Variants in AGBL1 observed in about 807,000 individuals in gnomAD.
The protein encoded by AGBL1 is cytosolic carboxypeptidase 4.
AGBL1 carries 130 observed loss-of-function variants against 118.9 expected under a neutral mutation model. The ratio of observed to expected loss-of-function variants is 1.09; its 90% CI spans 0.95 to 1.26. The LOEUF (loss-of-function observed/expected upper bound fraction) is 1.26. AGBL1 is among the 50% of genes most tolerant of loss of function. The pLI is 0.00. For synonymous variants in AGBL1, 555 were observed against 478.9 expected, an observed-to-expected ratio of 1.16 and a Z score of -2.08; for missense variants, 1,584 against 1,298.1, an observed-to-expected ratio of 1.22 and a Z score of -3.38.
intron 22 of AGBL1, among the ~76,000 whole-genome samples, chr15:86,690,477 C>T (rs2086144942): frequency 1.3e-5 from 2 of 152,140 alleles, no homozygotes. Context: ...GAGATTTAGT[C>T]CATTCACCTT....
At chr15:86,109,663 A>G (rs1213569337) in intron 1 of AGBL1, 1 of 152,228 alleles carries the variant, frequency 6.6e-6, no homozygotes, top group Non-Finnish European at 1.5e-5. Context: ...GTCAGATTTG[A>G]GAAAACTTCT....
intron 23 of AGBL1, among the ~76,000 whole-genome samples, chr15:86,976,205 TATA>T (rs1368038087): frequency 1.3e-5 from 2 of 150,242 alleles, no homozygotes; most frequent in African/African-American, 2.4e-5. Flanking sequence ...TTTAAGAAAT[TATA>T]ATTTATTCTA....
intron 7 of AGBL1, among the ~76,000 whole-genome samples, chr15:86,253,276 A>G (rs1230960045): frequency 2.0e-5 from 3 of 152,030 alleles, no homozygotes; most frequent in Non-Finnish European, 4.4e-5. Context: ...TTTGAGATGG[A>G]GTCTCGCTCT....
chr15:86,946,857 A>AC (rs993520009), intron 23 of AGBL1, among the ~76,000 whole-genome samples: 10 of 151,498 alleles, frequency 6.6e-5, no homozygotes, highest in Admixed American at 1.3e-4. Flanking sequence ...AAAAAAAAAA[A>AC]AAAACAAAAT....
At chr15:86,867,072 G>A (rs1221195494) in intron 22 of AGBL1, among the ~76,000 whole-genome samples, 1 of 152,150 alleles carries the variant, frequency 6.6e-6, no homozygotes, top group Non-Finnish European at 1.5e-5. Context: ...TGGAGTTTGG[G>A]AGTGGAGTGA....
chr15:86,421,771 TAGAA>T (rs1266608433), intron 18 of AGBL1, among the ~76,000 whole-genome samples: 3 of 151,228 alleles, frequency 2.0e-5, no homozygotes, highest in Admixed American at 6.6e-5. Flanking sequence ...AGCAAGCAAA[TAGAA>T]AGGAAAAAAA....
chr15:86,187,338 T>G lies in AGBL1; in HGVS notation c.488+28312T>G, dbSNP rs534415986. On this transcript the variant is annotated intron_variant, in intron 5 of 22. Transcript: ENST00000614907. ...ACAACACAGATAAGAGCCGCCTTGT[T>G]GGAAGCTATAGTTAAAACTTCAGAG... Among the ~76,000 whole-genome samples the G allele has an allele frequency of 1.9e-4, 29 of 152,342 alleles. 1 individual carries two copies. The South Asian group carries it at 6.0e-3, about 32-fold the overall frequency.
At chr15:86,632,101 C>T (rs1479218881) in intron 21 of AGBL1, among the ~76,000 whole-genome samples, 2 of 150,744 alleles carry the variant, frequency 1.3e-5, no homozygotes, top group African/African-American at 2.4e-5. Context: ...CCTGTCTCCA[C>T]AATTTTTTTT....
intron 1 of AGBL1, among the ~76,000 whole-genome samples, chr15:86,111,368 G>A (rs190574362): frequency 3.3e-5 from 5 of 152,342 alleles, no homozygotes; most frequent in East Asian, 1.9e-4. Context: ...TGTCTGTTAC[G>A]TAGAATAAAT....
At chr15:86,804,507 A>G (rs2078691901) in intron 22 of AGBL1, among the ~76,000 whole-genome samples, 2 of 152,184 alleles carry the variant, frequency 1.3e-5, no homozygotes, top group African/African-American at 4.8e-5. Context: ...AATAATAACA[A>G]CAACAAATCT....
At chr15:86,886,131 T>G (rs2079967184) in intron 22 of AGBL1, among the ~76,000 whole-genome samples, 2 of 152,218 alleles carry the variant, frequency 1.3e-5, no homozygotes, top group African/African-American at 4.8e-5. Context: ...TTATCGAAAC[T>G]GTAAACATCC....
At chr15:86,287,270 T>A (rs2079469556) in intron 16 of AGBL1, among the ~76,000 whole-genome samples, 2 of 152,186 alleles carry the variant, frequency 1.3e-5, no homozygotes, top group African/African-American at 4.8e-5. Flanking sequence ...ATCTGATGTA[T>A]GATTTGCAAA....
intron 24 of AGBL1, among the ~76,000 whole-genome samples, chr15:86,994,415 G>C (rs1303783453): frequency 6.6e-6 from 1 of 152,060 alleles, no homozygotes; most frequent in Non-Finnish European, 1.5e-5. Flanking sequence ...CAACTGGGTA[G>C]CTATTCAATT....
At chr15:86,985,274 T>C (rs1408809359) in intron 23 of AGBL1, among the ~76,000 whole-genome samples, 2 of 152,210 alleles carry the variant, frequency 1.3e-5, no homozygotes. Context: ...AAATGTCTGG[T>C]TCATATGGTA....
intron 18 of AGBL1, among the ~76,000 whole-genome samples, chr15:86,461,462 A>G (rs896064212): frequency 1.3e-5 from 2 of 152,126 alleles, no homozygotes; most frequent in Non-Finnish European, 2.9e-5. Context: ...ATAATATCGT[A>G]TTTATATAGC....
At chr15:86,243,199 C>T (rs550746053) in intron 6 of AGBL1, among the ~76,000 whole-genome samples, 1 of 152,250 alleles carries the variant, frequency 6.6e-6, no homozygotes, top group South Asian at 2.1e-4. Context: ...AGGATTAAAA[C>T]TACAGAAAAC....
intron 22 of AGBL1, among the ~76,000 whole-genome samples, chr15:86,827,368 T>C (rs1341470279): frequency 1.6e-3 from 12 of 7,720 alleles, no homozygotes; most frequent in African/African-American, 0.01. Flanking sequence ...TATATGTGTG[T>C]GTATATATAT....
chr15:87,011,687 C>T (rs1415484579), intron 24 of AGBL1, among the ~76,000 whole-genome samples: 2 of 152,180 alleles, frequency 1.3e-5, no homozygotes, highest in Non-Finnish European at 2.9e-5. Context: ...TGAGATAGCT[C>T]TCCACTGGAG....
intron 21 of AGBL1, among the ~76,000 whole-genome samples, chr15:86,641,976 C>G (rs1307879916): frequency 6.6e-6 from 1 of 152,174 alleles, no homozygotes; most frequent in Non-Finnish European, 1.5e-5. Flanking sequence ...TATGTCTTTT[C>G]TTATTATGTG....
Sources: allele counts gnomAD v4.1 joint callset (sites outside exome capture counted in the v4.1 genomes callset), GRCh38; gene constraint gnomAD v4.1.1; transcripts MANE v1.5; gene names NCBI Gene and HGNC (gene_info 2026-07-23, HGNC 2026-07-21).